LURAP1L: variants seen among roughly 807,000 people sequenced by gnomAD.
The protein encoded by LURAP1L is leucine rich adaptor protein 1-like.
A neutral mutation model predicts 13.8 loss-of-function variants in LURAP1L; 12 were observed. The ratio of observed to expected loss-of-function variants is 0.87; its 90% CI spans 0.56 to 1.41. The LOEUF is 1.41. Among genes scored for constraint, LURAP1L ranks in the 40% most tolerant of loss-of-function variants. The pLI is 0.00. For missense variants in LURAP1L, 375 were observed against 292.9 expected (o/e 1.28, Z -2.04); for synonymous variants, 139 against 119.2 (o/e 1.17, Z -1.08).
chr9:12,781,646 T>C lies in LURAP1L; in HGVS notation c.312+5619T>C, dbSNP rs556414822. Among the ~76,000 whole-genome samples, 3 of 152,338 alleles carry C rather than the reference T, an allele frequency of 2.0e-5. No individual in the cohort carries two copies. In the East Asian group the frequency reaches 5.8e-4, roughly 29 times the overall value. ...TTGTGCGTACGTACAACATTTTCTT[T>C]ATCCGTTTGTCTCTTGATGGACACA... On this transcript the variant is annotated intron_variant, in intron 1 of 1. Transcript: ENST00000319264.
rs776651254 is a variant in LURAP1L, at chr9:12,775,957, C to T, written c.242C>T (p.Ser81Phe). The T allele has an allele frequency of 1.9e-6, 3 of 1,594,054 alleles. No homozygotes were observed. The highest frequency in any genetic ancestry group is 1.7e-6 in the Non-Finnish European group (2 of 1,170,234). ...SSSSSSPTSG[S>F]PRGSHSSALE... ...TCTTCGTCCTCCCCAACCTCTGGCT[C>T]CCCACGAGGTAGCCACTCTAGCGCC... The change falls in exon 1 of 2, where the codon TCC (serine) becomes TTC (phenylalanine). Residue 81 changes from serine (S) to phenylalanine (F), a missense_variant. By Grantham distance (155) the Ser-to-Phe change is radical. Coordinates refer to ENST00000319264, the MANE Select transcript of LURAP1L (RefSeq NM_203403.2).
intron 1 of LURAP1L, among the ~76,000 whole-genome samples, chr9:12,805,432 G>GT (rs1554658848): frequency 6.6e-6 from 1 of 152,034 alleles, no homozygotes; most frequent in Non-Finnish European, 1.5e-5. Flanking sequence ...GTGGTGAAAG[G>GT]TTTTTTTCTC....
At chr9:12,813,017 A>T (rs1481953407) in intron 1 of LURAP1L, among the ~76,000 whole-genome samples, 1 of 152,152 alleles carries the variant, frequency 6.6e-6, no homozygotes, top group Non-Finnish European at 1.5e-5. Flanking sequence ...AAAAGATAAG[A>T]TTACCTTCAG....
intron 1 of LURAP1L, among the ~76,000 whole-genome samples, chr9:12,788,237 A>G (rs1349852467): frequency 1.3e-5 from 2 of 151,814 alleles, no homozygotes; most frequent in African/African-American, 4.8e-5. Flanking sequence ...ATAGGTTTGT[A>G]TGTATATGAC....
intron 1 of LURAP1L, among the ~76,000 whole-genome samples, chr9:12,795,224 C>T (rs2118499558): frequency 6.6e-6 from 1 of 152,032 alleles, no homozygotes; most frequent in African/African-American, 2.4e-5. Context: ...CTATTTCCTA[C>T]ACTTTTTGTA....
intron 1 of LURAP1L, among the ~76,000 whole-genome samples, chr9:12,792,103 G>A (rs1381799868): frequency 6.6e-6 from 1 of 152,082 alleles, no homozygotes; most frequent in African/African-American, 2.4e-5. Flanking sequence ...CAGAAATTCA[G>A]TTCTCACAAA....
At chr9:12,795,471 T>C (rs1422971279) in intron 1 of LURAP1L, among the ~76,000 whole-genome samples, 3 of 151,950 alleles carry the variant, frequency 2.0e-5, no homozygotes, top group African/African-American at 7.2e-5. Context: ...TTCGAGAAAG[T>C]GATTAGAGAA....
At chr9:12,812,289 C>G (rs1277322235) in intron 1 of LURAP1L, among the ~76,000 whole-genome samples, 2 of 152,138 alleles carry the variant, frequency 1.3e-5, no homozygotes, top group African/African-American at 4.8e-5. Context: ...CAACTGGGAA[C>G]TTGTTAGAAG....
intron 1 of LURAP1L, among the ~76,000 whole-genome samples, chr9:12,792,932 G>A (rs1819462443): frequency 6.6e-6 from 1 of 152,008 alleles, no homozygotes; most frequent in African/African-American, 2.4e-5. Flanking sequence ...CTAAAAATTA[G>A]TTTGAAGATG....
At chr9:12,803,116 A>G (rs1369904740) in intron 1 of LURAP1L, among the ~76,000 whole-genome samples, 1 of 152,212 alleles carries the variant, frequency 6.6e-6, no homozygotes, top group Non-Finnish European at 1.5e-5. Context: ...GTGCCACTTT[A>G]GAAACTAGGA....
chr9:12,801,166 C>A (rs891148470), intron 1 of LURAP1L, among the ~76,000 whole-genome samples: 1 of 151,968 alleles, frequency 6.6e-6, no homozygotes, highest in Non-Finnish European at 1.5e-5. Context: ...GAGAATGTGG[C>A]CTCTTAATTG....
chr9:12,786,582 A>ATAT (rs55704493), intron 1 of LURAP1L, among the ~76,000 whole-genome samples: 18 of 113,582 alleles, frequency 1.6e-4, no homozygotes, highest in Non-Finnish European at 2.2e-4. Context: ...ATATATATAT[A>ATAT]AACCCTTGTG....
intron 1 of LURAP1L, among the ~76,000 whole-genome samples, chr9:12,813,499 T>C (rs998476390): frequency 2.0e-5 from 3 of 152,118 alleles, no homozygotes; most frequent in Non-Finnish European, 2.9e-5. Flanking sequence ...CATGTAGGAG[T>C]ATTTATGCTA....
At chr9:12,813,582 A>G (rs1819766742) in intron 1 of LURAP1L, among the ~76,000 whole-genome samples, 1 of 152,174 alleles carries the variant, frequency 6.6e-6, no homozygotes, top group African/African-American at 2.4e-5. Context: ...AGTGATAGAG[A>G]AAATTTTAAT....
At chr9:12,777,454 T>C (rs1819204073) in intron 1 of LURAP1L, 2 of 985,206 alleles carry the variant, frequency 2.0e-6, no homozygotes, top group South Asian at 4.7e-5. Flanking sequence ...ATTAAGGACT[T>C]AATATGAGGG....
chr9:12,816,681 A>G (rs1159769341), intron 1 of LURAP1L, among the ~76,000 whole-genome samples: 1 of 152,210 alleles, frequency 6.6e-6, no homozygotes, highest in Non-Finnish European at 1.5e-5. Flanking sequence ...GTTCTACCAT[A>G]GACTCAGTTC....
chr9:12,787,926 A>C (rs1176581235), intron 1 of LURAP1L, among the ~76,000 whole-genome samples: 1 of 152,024 alleles, frequency 6.6e-6, no homozygotes, highest in Non-Finnish European at 1.5e-5. Flanking sequence ...AACCTGGCCA[A>C]CATGGTGAAA....
intron 1 of LURAP1L, among the ~76,000 whole-genome samples, chr9:12,792,319 A>G (rs1290787555): frequency 2.6e-5 from 4 of 152,114 alleles, no homozygotes; most frequent in East Asian, 1.9e-4. Context: ...ACACAGGAAA[A>G]ATAAATAATT....
At chr9:12,792,282 G>C (rs1024060359) in intron 1 of LURAP1L, among the ~76,000 whole-genome samples, 3 of 152,060 alleles carry the variant, frequency 2.0e-5, no homozygotes, top group Admixed American at 1.3e-4. Context: ...AACCAGTTTT[G>C]TTAGAAGAGG....
Sources: allele counts gnomAD v4.1 joint callset (sites outside exome capture counted in the v4.1 genomes callset), GRCh38; gene constraint gnomAD v4.1.1; transcripts MANE v1.5; gene names NCBI Gene and HGNC (gene_info 2026-07-23, HGNC 2026-07-21).